CSNK1A1: variants seen among roughly 807,000 people sequenced by gnomAD.
CSNK1A1 encodes the protein casein kinase I isoform alpha.
A neutral mutation model predicts 46.1 loss-of-function variants in CSNK1A1; 7 were observed. The observed-to-expected ratio is 0.15, with a 90% CI of 0.09 to 0.29. The LOEUF is 0.29. Ranked by LOEUF, CSNK1A1 falls within the 10% of genes least tolerant of loss-of-function variation. The pLI is 1.00. For missense variants in CSNK1A1, 96 were observed against 417.1 expected (o/e 0.23, Z 6.71); for synonymous variants, 137 against 141.5 (o/e 0.97, Z 0.23).
intron 3 of CSNK1A1, among the ~76,000 whole-genome samples, chr5:149,522,299 G>A (rs75394372): frequency 0.026 from 3,945 of 151,934 alleles, 172 homozygotes; most frequent in African/African-American, 0.091. Flanking sequence ...TTGTGGAAAG[G>A]GGGGTATCGT....
At position 149,495,854 on chromosome 5, in the gene CSNK1A1, C is replaced by T. The variant is rs796526498; in HGVS notation, c.*999G>A. 6.6e-6 allele frequency: 1 copy of T among 151,078 alleles called. No individual in the cohort carries two copies. The highest frequency in any genetic ancestry group is 1.5e-5 in the Non-Finnish European group (1 of 67,830). The allele number at this position is 151,078 out of a possible 1,614,324, so 9.4% of individuals were successfully genotyped here. ...AAAGAGGAAAAGTTATAACACGAAA[C>T]CTAAATTGACTTGCAAAGGAATACC... On this transcript the variant is annotated 3_prime_UTR_variant, in exon 10 of 10. Coordinates refer to ENST00000377843, the MANE Select transcript of CSNK1A1 (RefSeq NM_001892.6).
At position 149,506,599 on chromosome 5, in the gene CSNK1A1, C is replaced by G. The variant is rs114490209; in HGVS notation, c.857+428G>C. On this transcript the variant is annotated intron_variant, in intron 8 of 9. Transcript: ENST00000377843. ...TTGAGCCACATGTAATCTATTCCCC[C>G]CCCTTTTTCAAGACCAGTTCTGGGT... 6.2e-3 allele frequency among the ~76,000 whole-genome samples: 951 copies of G among 152,234 alleles called. 20 individuals are homozygous for G. The highest frequency in any genetic ancestry group is 0.021 in the African/African-American group (889 of 41,542).
chr5:149,510,389 C>T (rs1434039893), intron 6 of CSNK1A1, among the ~76,000 whole-genome samples: 6 of 151,962 alleles, frequency 3.9e-5, no homozygotes, highest in Non-Finnish European at 7.4e-5. Flanking sequence ...CCTGATTCAG[C>T]CTATCAAGTA....
intron 2 of CSNK1A1, chr5:149,549,609 C>A (rs866789798): frequency 2.2e-5 from 15 of 672,254 alleles, no homozygotes; most frequent in East Asian, 1.1e-4. Context: ...ATTTTCTAAG[C>A]GGAGGAGGAA....
At chr5:149,536,243 G>A (rs910023709) in intron 2 of CSNK1A1, among the ~76,000 whole-genome samples, 5 of 152,070 alleles carry the variant, frequency 3.3e-5, no homozygotes, top group Admixed American at 6.6e-5. Context: ...GTGAGCCACC[G>A]TGCCCAGCCT....
chr5:149,539,737 T>C (rs1010234076), intron 2 of CSNK1A1, among the ~76,000 whole-genome samples: 3 of 152,142 alleles, frequency 2.0e-5, no homozygotes, highest in Non-Finnish European at 4.4e-5. Flanking sequence ...TTTTTAACTT[T>C]GCCATTTGAT....
intron 2 of CSNK1A1, among the ~76,000 whole-genome samples, chr5:149,531,614 G>A (rs1330723472): frequency 2.6e-5 from 4 of 151,706 alleles, no homozygotes; most frequent in Non-Finnish European, 4.4e-5. Context: ...TTGGGAGGCT[G>A]AGGTGGGTGG....
At chr5:149,513,247 C>T (rs780003336) in intron 4 of CSNK1A1, 38 bp from the exon 5 acceptor site, 5 of 1,580,048 alleles carry the variant, frequency 3.2e-6, no homozygotes, top group African/African-American at 1.4e-5. Flanking sequence ...GGTTTCCAAC[C>T]TTGTTCAATT....
intron 2 of CSNK1A1, among the ~76,000 whole-genome samples, chr5:149,541,043 G>A (rs1484723461): frequency 6.6e-6 from 1 of 151,946 alleles, no homozygotes; most frequent in Non-Finnish European, 1.5e-5. Context: ...TTGCGCCACT[G>A]CACTCTGGCC....
intron 5 of CSNK1A1, among the ~76,000 whole-genome samples, chr5:149,512,316 GAT>G (rs1013245554): frequency 6.6e-6 from 1 of 151,450 alleles, no homozygotes; most frequent in South Asian, 2.1e-4. Context: ...TATATATTTA[GAT>G]ATATATATAT....
chr5:149,510,009 G>A (rs1761165644), intron 6 of CSNK1A1, 56 bp from the exon 7 acceptor site: 3 of 1,251,614 alleles, frequency 2.4e-6, no homozygotes, highest in African/African-American at 1.5e-5. Context: ...GAAGAACCAT[G>A]GTAGTTTAAC....
intron 6 of CSNK1A1, among the ~76,000 whole-genome samples, chr5:149,510,541 G>A (rs1580826884): frequency 6.6e-6 from 1 of 152,000 alleles, no homozygotes; most frequent in Non-Finnish European, 1.5e-5. Flanking sequence ...GCAGTGGCTC[G>A]ATTATAGCTC....
chr5:149,543,487 G>C (rs12516803), intron 2 of CSNK1A1, among the ~76,000 whole-genome samples: 4 of 146,710 alleles, frequency 2.7e-5, no homozygotes, highest in Middle Eastern at 6.6e-3. Context: ...CGTTTTTCTG[G>C]TTTTTTTTTT....
intron 9 of CSNK1A1, chr5:149,504,798 T>A (rs1249252266): frequency 1.0e-6 from 1 of 985,266 alleles, no homozygotes; most frequent in African/African-American, 1.7e-5. Flanking sequence ...GAAATTAAGA[T>A]CATACGTAAA....
intron 2 of CSNK1A1, among the ~76,000 whole-genome samples, chr5:149,544,597 C>G (rs1051721173): frequency 6.6e-6 from 1 of 151,346 alleles, no homozygotes; most frequent in African/African-American, 2.4e-5. Context: ...AAACTCAATA[C>G]AGCTGACCCT....
chr5:149,545,210 T>C (rs938192903), intron 2 of CSNK1A1, among the ~76,000 whole-genome samples: 2 of 152,082 alleles, frequency 1.3e-5, no homozygotes, highest in African/African-American at 2.4e-5. Context: ...AACTGTAATT[T>C]TAAGTGAGCT....
intron 4 of CSNK1A1, among the ~76,000 whole-genome samples, chr5:149,514,504 AC>A (rs906508640): frequency 2.0e-5 from 3 of 152,212 alleles, no homozygotes; most frequent in Admixed American, 1.3e-4. Flanking sequence ...ATGTGCCCTT[AC>A]ACTATATAGC....
At chr5:149,523,045 CTTT>C (rs35068425) in intron 3 of CSNK1A1, among the ~76,000 whole-genome samples, 1 of 145,546 alleles carries the variant, frequency 6.9e-6, no homozygotes, top group African/African-American at 2.5e-5. Flanking sequence ...ATATTAAAGG[CTTT>C]TTTTTTTTTT....
At chr5:149,510,136 G>T (rs1037430503) in intron 6 of CSNK1A1, among the ~76,000 whole-genome samples, 183 bp from the exon 7 acceptor site, 1 of 152,220 alleles carries the variant, frequency 6.6e-6, no homozygotes. Flanking sequence ...AACTTCTGAT[G>T]TAAGTTTCTT....
Sources: gnomAD v4.1 joint callset for allele counts (sites outside exome capture counted in the v4.1 genomes callset) on GRCh38, gnomAD v4.1.1 for gene constraint, MANE v1.5 for transcripts, NCBI Gene and HGNC (gene_info 2026-07-23, HGNC 2026-07-21) for gene names.